TAPBPL: variants seen among roughly 807,000 people sequenced by gnomAD.
TAPBPL encodes the protein TAP binding protein like.
Under a neutral mutation model 44.8 loss-of-function variants are expected in TAPBPL, and 32 were observed. The observed-to-expected ratio is 0.71, with a 90% confidence interval of 0.54 to 0.96. The LOEUF (loss-of-function observed/expected upper bound fraction) is 0.96, where lower values mean the gene tolerates loss of function less well. Among genes scored for constraint, TAPBPL ranks in the 40% least tolerant of loss-of-function variants. The pLI is 0.00. For synonymous variants in TAPBPL, 230 were observed against 240.7 expected (o/e 0.96, Z 0.41); for missense variants, 520 against 586.6 (o/e 0.89, Z 1.17).
intron 6 of TAPBPL, 169 bp downstream of exon 6, chr12:6,461,107 CCCT>C (rs1949848004): frequency 2.1e-6 from 3 of 1,433,108 alleles, no homozygotes; most frequent in South Asian, 2.9e-5. Context: ...CAGTCGTGTT[CCCT>C]CGTTTTCTCC....
At chr12:6,466,448 T>A, downstream of TAPBPL, 1 of 1,403,806 alleles carries the variant, frequency 7.1e-7, no homozygotes, top group Non-Finnish European at 9.6e-7. Flanking sequence ...CTCAAGAGGC[T>A]GAAGTGGGAG....
intron 1 of TAPBPL, 67 bp from the exon 2 acceptor site, chr12:6,453,000 G>T: frequency 6.8e-7 from 1 of 1,461,458 alleles, no homozygotes; most frequent in East Asian, 2.5e-5. Context: ...CTTGAGGGCG[G>T]GGGCAGGAAG....
chr12:6,468,096 C>T (rs981799788), downstream of TAPBPL, among the ~76,000 whole-genome samples: 10 of 152,240 alleles, frequency 6.6e-5, no homozygotes, highest in Non-Finnish European at 1.5e-4. Context: ...CCCACTGGAA[C>T]ACTGCCTAGT....
At chr12:6,470,684 G>T (rs1945754137), downstream of TAPBPL, 1 of 938,368 alleles carries the variant, frequency 1.1e-6, no homozygotes. Context: ...TACTGCAGCT[G>T]CCGCGCCGGC....
chr12:6,458,317 G>A (rs1026711750), intron 4 of TAPBPL, among the ~76,000 whole-genome samples: 2 of 151,748 alleles, frequency 1.3e-5, no homozygotes, highest in East Asian at 1.9e-4. Context: ...TGGAGGTTGC[G>A]GTGAGCCAAG....
At chr12:6,464,611 G>A, downstream of TAPBPL, 1 of 1,457,480 alleles carries the variant, frequency 6.9e-7, no homozygotes, top group Non-Finnish European at 9.0e-7. Flanking sequence ...CATCCCCATG[G>A]TCTCCCTCCA....
At chr12:6,456,574 G>C (rs1030833780) in intron 3 of TAPBPL, among the ~76,000 whole-genome samples, 2 of 152,074 alleles carry the variant, frequency 1.3e-5, no homozygotes, top group African/African-American at 4.8e-5. Context: ...ATGTTGGTCA[G>C]GCTGGTCTCA....
Position 6,453,301 on chromosome 12 carries a change from A to G in TAPBPL, c.295+4A>G. On this transcript the variant is annotated splice_donor_region_variant and intron_variant, in intron 2 of 6. Coordinates refer to ENST00000266556, the MANE Select transcript of TAPBPL (RefSeq NM_018009.5). The surrounding 1 kb of genome is among the most constrained non-coding windows in gnomAD (Gnocchi z 4.8). Reference sequence around the variant, plus strand: ...CCTATTATCTTTGAGGCCTCAGGTAAAAGCCTTCCACCTGTGTCCTTGGTC... The same window carrying G: ...CCTATTATCTTTGAGGCCTCAGGTAGAAGCCTTCCACCTGTGTCCTTGGTC... 1.2e-6 allele frequency: 2 copies of G among 1,613,484 alleles called. No homozygotes were observed. The highest frequency in any genetic ancestry group is 1.1e-5 in the South Asian group (1 of 90,966).
At chr12:6,454,707 G>A (rs1380858677) in intron 3 of TAPBPL, among the ~76,000 whole-genome samples, 2 of 152,134 alleles carry the variant, frequency 1.3e-5, no homozygotes, top group African/African-American at 4.8e-5. Context: ...GGCTGCTCTG[G>A]TGCTTCAGGG....
chr12:6,464,200 T>G (rs1949947054), downstream of TAPBPL: 11 of 1,463,800 alleles, frequency 7.5e-6, no homozygotes, highest in East Asian at 5.7e-5. Context: ...CTTTGGGGCT[T>G]TGGGGGAACT....
At chr12:6,465,729 TG>T, downstream of TAPBPL, 1 of 1,399,802 alleles carries the variant, frequency 7.1e-7, no homozygotes, top group Non-Finnish European at 9.6e-7. Context: ...AGCGTTATGC[TG>T]GTCAGAGAGA....
downstream of TAPBPL, chr12:6,462,671 A>G: frequency 2.6e-6 from 2 of 767,028 alleles, no homozygotes; most frequent in South Asian, 1.9e-5. Flanking sequence ...GGGCTGGGAG[A>G]GCCAAGAGGA....
At chr12:6,459,558 T>C (rs1419809187) in intron 5 of TAPBPL, among the ~76,000 whole-genome samples, 1 of 152,160 alleles carries the variant, frequency 6.6e-6, no homozygotes, top group African/African-American at 2.4e-5. Flanking sequence ...AAACTGGCAC[T>C]TGCAGATGTC....
chr12:6,466,349 G>C, downstream of TAPBPL: 1 of 1,612,888 alleles, frequency 6.2e-7, no homozygotes, highest in Non-Finnish European at 8.5e-7. Flanking sequence ...AGCTGGAGCA[G>C]ACCTGTGGAA....
At chr12:6,462,419 T>G (rs1010255163), downstream of TAPBPL, 1 of 496,976 alleles carries the variant, frequency 2.0e-6, no homozygotes, top group Non-Finnish European at 3.6e-6. Context: ...CATCGTCTCA[T>G]GGCAAACCGA....
At chr12:6,465,757 G>C, downstream of TAPBPL, 1 of 1,538,284 alleles carries the variant, frequency 6.5e-7, no homozygotes, top group Non-Finnish European at 8.8e-7. Flanking sequence ...ACCATTAGAG[G>C]GAAGAAATGT....
downstream of TAPBPL, chr12:6,462,490 A>G: frequency 2.0e-6 from 1 of 494,660 alleles, no homozygotes; most frequent in Non-Finnish European, 3.6e-6. Flanking sequence ...TTTGTTGCAC[A>G]TTTGCTCATG....
chr12:6,466,497 T>A, downstream of TAPBPL: 1 of 756,794 alleles, frequency 1.3e-6, no homozygotes, highest in Non-Finnish European at 2.0e-6. Context: ...AGCCTGGGCA[T>A]CATAGCGAGA....
chr12:6,468,243 G>A (rs552805960), downstream of TAPBPL, among the ~76,000 whole-genome samples: 72 of 152,346 alleles, frequency 4.7e-4, no homozygotes, highest in Non-Finnish European at 7.6e-4. Flanking sequence ...GCTGTACACT[G>A]TAATGTCTGT....
Sources: gnomAD v4.1 joint callset for allele counts (sites outside exome capture counted in the v4.1 genomes callset) on GRCh38, gnomAD v4.1.1 for gene constraint, Gnocchi (gnomAD v3.1) non-coding constraint, MANE v1.5 for transcripts, NCBI Gene and HGNC (gene_info 2026-07-23, HGNC 2026-07-21) for gene names.